Variants in ZFYVE28 observed in about 807,000 individuals in gnomAD.
ZFYVE28 encodes lateral signaling target protein 2 homolog.
A neutral mutation model predicts 82.1 loss-of-function variants in ZFYVE28; 40 were observed. The ratio of observed to expected loss-of-function variants is 0.49; its 90% confidence interval spans 0.38 to 0.63. ZFYVE28 has a LOEUF of 0.63. ZFYVE28 is among the 30% of genes least tolerant of loss of function. ZFYVE28 has a pLI of 0.00. For synonymous variants in ZFYVE28, 612 were observed against 546.1 expected (o/e 1.12, Z -1.68); for missense variants, 1,321 against 1,242.1 (o/e 1.06, Z -0.96).
chr4:2,376,700 G>A (rs115336139), intron 1 of ZFYVE28, among the ~76,000 whole-genome samples: 1 of 152,168 alleles, frequency 6.6e-6, no homozygotes, highest in Non-Finnish European at 1.5e-5. Context: ...GTCCCATCAA[G>A]TCCCTCCCAC....
At chr4:2,354,386 A>T (rs776508830) in intron 1 of ZFYVE28, among the ~76,000 whole-genome samples, 15 of 151,662 alleles carry the variant, frequency 9.9e-5, no homozygotes, top group Non-Finnish European at 1.8e-4. Context: ...TGGAGAGCCC[A>T]CAGAAAAGGG....
intron 8 of ZFYVE28, among the ~76,000 whole-genome samples, chr4:2,277,030 C>G (rs1364786486): frequency 6.6e-6 from 1 of 151,924 alleles, no homozygotes; most frequent in Non-Finnish European, 1.5e-5. Flanking sequence ...AGAGCAGAGG[C>G]AAGGGAACGG....
At chr4:2,302,148 C>T (rs114408099) in intron 8 of ZFYVE28, among the ~76,000 whole-genome samples, 150 of 152,298 alleles carry the variant, frequency 9.8e-4, no homozygotes, top group Middle Eastern at 6.8e-3. Context: ...ATGGGGGATA[C>T]GCGGGTGTGT....
At chr4:2,340,109 G>A (rs560493326) in intron 3 of ZFYVE28, among the ~76,000 whole-genome samples, 1 of 152,332 alleles carries the variant, frequency 6.6e-6, no homozygotes, top group South Asian at 2.1e-4. Context: ...TCCCAGGGAT[G>A]AAGCAGCCGG....
Position 2,273,173 on chromosome 4 carries a change from C to T in ZFYVE28, c.2323G>A (p.Val775Ile). 6.2e-7 allele frequency: 1 copy of T among 1,612,662 alleles called. No homozygotes were observed. Among genetic ancestry groups the T allele is most frequent in the Non-Finnish European group, 8.5e-7 (1 of 1,179,068 alleles). Reference sequence around the variant, plus strand: ...GAGCCCGTCCTGAGTGGGCACTCACCCTTCCTTAACTTTTCCTTGTCGTCT... The same window carrying T: ...GAGCCCGTCCTGAGTGGGCACTCACTCTTCCTTAACTTTTCCTTGTCGTCT... ...ETDDKEKLRK[V>I]TQTLRSAALE... is the part of the protein sequence containing the mutation. Residue 775 changes from valine to isoleucine, a missense_variant and splice_region_variant, in exon 10 of 13, where the codon GTC becomes ATC. Transcript: ENST00000290974.
intron 7 of ZFYVE28, among the ~76,000 whole-genome samples, chr4:2,308,619 A>G (rs888754022): frequency 4.3e-5 from 6 of 139,894 alleles, no homozygotes; most frequent in African/African-American, 1.4e-4. Context: ...AGAAAGAAAG[A>G]AAGAAGACAG....
intron 8 of ZFYVE28, among the ~76,000 whole-genome samples, chr4:2,303,547 C>T (rs949041407): frequency 6.6e-6 from 1 of 152,198 alleles, no homozygotes; most frequent in Non-Finnish European, 1.5e-5. Context: ...AGGGTCCTGG[C>T]CAGGGGGTCA....
intron 1 of ZFYVE28, among the ~76,000 whole-genome samples, chr4:2,404,770 C>A (rs1731651223): frequency 6.6e-6 from 1 of 151,838 alleles, no homozygotes; most frequent in Admixed American, 6.6e-5. Context: ...ATGGCTGCAC[C>A]ACATTGCGAA....
chr4:2,408,327 C>T lies in ZFYVE28; in HGVS notation c.39+9958G>A, dbSNP rs772368501. ...TTTGAGATGTGACTCTGCTACTCCC[C>T]GCACCGAGAAGTGGAGGTGACAGCC... On this transcript the variant is annotated intron_variant, in intron 1 of 12. Transcript: ENST00000290974. The surrounding 1 kb of genome is among the most constrained non-coding windows in gnomAD (Gnocchi z 4.3). Among the ~76,000 whole-genome samples the T allele has an allele frequency of 5.3e-5, 8 of 152,118 alleles. No individual in the cohort carries two copies. In the East Asian group the frequency reaches 5.8e-4, roughly 11 times the overall value.
intron 1 of ZFYVE28, among the ~76,000 whole-genome samples, chr4:2,381,282 T>C (rs949271611): frequency 1.3e-5 from 2 of 152,212 alleles, no homozygotes; most frequent in Admixed American, 6.5e-5. Context: ...ATTTAGGGTA[T>C]CTGCGGGAAG....
chr4:2,341,432 C>T lies in ZFYVE28; in HGVS notation c.318+46G>A, dbSNP rs527351022. The stretch of plus-strand genomic sequence containing the variant: ...CAAGGTTCGCAGGGACTTGGCTAGA[C>T]GCCACCCCACATCAGGACCTCCGAA... On this transcript the variant is annotated intron_variant, in intron 3 of 12. Coordinates refer to ENST00000290974, the MANE Select transcript of ZFYVE28 (RefSeq NM_020972.3). The surrounding 1 kb of genome is among the most constrained non-coding windows in gnomAD (Gnocchi z 4.5). The T allele has an allele frequency of 5.3e-4, 854 of 1,606,626 alleles. 6 individuals are homozygous for T. The South Asian group carries it at 8.6e-3, about 16-fold the overall frequency.
intron 8 of ZFYVE28, among the ~76,000 whole-genome samples, chr4:2,298,781 C>T (rs1010787019): frequency 6.6e-6 from 1 of 152,204 alleles, no homozygotes; most frequent in Non-Finnish European, 1.5e-5. Context: ...AGCCAGCGCC[C>T]GGGCAGCCTT....
intron 8 of ZFYVE28, among the ~76,000 whole-genome samples, chr4:2,277,565 A>G (rs1415327069): frequency 6.6e-6 from 1 of 152,212 alleles, no homozygotes; most frequent in East Asian, 1.9e-4. Context: ...AGTGAAATGA[A>G]GAAAACAATC....
chr4:2,380,944 A>T (rs1465589618), intron 1 of ZFYVE28, among the ~76,000 whole-genome samples: 1 of 152,212 alleles, frequency 6.6e-6, no homozygotes, highest in African/African-American at 2.4e-5. Flanking sequence ...GTACCAGTAC[A>T]GTGGGGTATT....
chr4:2,402,314 C>T (rs10005641), intron 1 of ZFYVE28, among the ~76,000 whole-genome samples: 66,411 of 151,906 alleles, frequency 0.44, 15,101 homozygotes, highest in African/African-American at 0.57. Flanking sequence ...ATCAGTAAGT[C>T]GGCCAGGCAA....
intron 1 of ZFYVE28, among the ~76,000 whole-genome samples, chr4:2,382,124 T>A (rs973181570): frequency 1.3e-5 from 2 of 152,192 alleles, no homozygotes; most frequent in African/African-American, 4.8e-5. Context: ...AGAGGATGCA[T>A]GGAAACACCT....
At chr4:2,292,479 G>A (rs974691578) in intron 8 of ZFYVE28, among the ~76,000 whole-genome samples, 16 of 152,188 alleles carry the variant, frequency 1.1e-4, no homozygotes, top group Non-Finnish European at 1.9e-4. Flanking sequence ...GATTGCAGGG[G>A]CAGGGCTGTG....
intron 8 of ZFYVE28, among the ~76,000 whole-genome samples, chr4:2,298,552 A>G (rs1715009052): frequency 6.6e-6 from 1 of 152,186 alleles, no homozygotes; most frequent in Non-Finnish European, 1.5e-5. Context: ...CATGTGCCAC[A>G]GGGTTGGGGC....
rs1397541387 is a variant in ZFYVE28 at position 2,418,219 on chromosome 4, C to A, written c.39+66G>T. ...AAGGGAGTCCGTCTTGTAGGGCGGA[C>A]GGGCGGTCCTGGGGAAGGGAGAGGC... On this transcript the variant is annotated intron_variant, in intron 1 of 12. Transcript: ENST00000290974. The surrounding 1 kb of genome is among the most constrained non-coding windows in gnomAD (Gnocchi z 4.6). 2.1e-6 allele frequency: 3 copies of A among 1,452,532 alleles called. No homozygotes were observed. Among genetic ancestry groups the A allele is most frequent in the African/African-American group, 2.9e-5 (2 of 68,314 alleles). The allele number at this position is 1,452,532 out of a possible 1,614,324, so 90.0% of individuals were successfully genotyped here.
Sources: allele counts gnomAD v4.1 joint callset (sites outside exome capture counted in the v4.1 genomes callset), GRCh38; gene constraint gnomAD v4.1.1; non-coding constraint Gnocchi (gnomAD v3.1); transcripts MANE v1.5; gene names NCBI Gene and HGNC (gene_info 2026-07-23, HGNC 2026-07-21).